The following GSE1 variants were observed in gnomAD, a reference collection of about 807,000 sequenced individuals.
GSE1 encodes genetic suppressor element 1.
In GSE1, 32 loss-of-function variants were observed where a neutral mutation model predicts 112.6. The ratio of observed to expected loss-of-function variants is 0.28; its 90% confidence interval spans 0.21 to 0.38. The LOEUF (loss-of-function observed/expected upper bound fraction) is 0.38. Among genes scored for constraint, GSE1 ranks in the 10% least tolerant of loss-of-function variants. The pLI, the probability that GSE1 is intolerant of heterozygous loss-of-function variation, is 1.00. For missense variants in GSE1, 2,348 were observed against 1,699.2 expected (o/e 1.38, Z -6.71); for synonymous variants, 1,115 against 735.6 (o/e 1.52, Z -8.35).
At chr16:85,205,052 T>C (rs1487201051) in intron 1 of GSE1, among the ~76,000 whole-genome samples, 1 of 110,112 alleles carries the variant, frequency 9.1e-6, no homozygotes, top group Non-Finnish European at 1.9e-5. Flanking sequence ...CACGTACGTC[T>C]TGGCTCACTG....
chr16:85,289,358 C>T (rs2045137100), intron 1 of GSE1, among the ~76,000 whole-genome samples: 1 of 152,176 alleles, frequency 6.6e-6, no homozygotes, highest in Non-Finnish European at 1.5e-5. Context: ...CTCACCTGTA[C>T]TGTGGCCACC....
chr16:85,470,004 C>G (rs780610279), intron 2 of GSE1, among the ~76,000 whole-genome samples: 3 of 152,240 alleles, frequency 2.0e-5, no homozygotes, highest in African/African-American at 7.2e-5. Context: ...CCCACTCACC[C>G]CAGGCCCTCA....
At chr16:85,493,667 C>G (rs1053735446) in intron 2 of GSE1, among the ~76,000 whole-genome samples, 2 of 151,870 alleles carry the variant, frequency 1.3e-5, no homozygotes, top group Non-Finnish European at 2.9e-5. Context: ...GCAGGAGAAT[C>G]GCTTGAACCC....
intron 2 of GSE1, among the ~76,000 whole-genome samples, chr16:85,413,459 C>G (rs1483547669): frequency 6.6e-6 from 1 of 151,930 alleles, no homozygotes; most frequent in African/African-American, 2.4e-5. Context: ...CCGTGGAGCA[C>G]CATCTTCCAT....
upstream of GSE1, among the ~76,000 whole-genome samples, chr16:85,608,912 A>G (rs2047837880): frequency 6.6e-6 from 1 of 152,204 alleles, no homozygotes; most frequent in African/African-American, 2.4e-5. Flanking sequence ...ACGTGCTAGG[A>G]GCAACTGGCC....
intron 1 of GSE1, among the ~76,000 whole-genome samples, chr16:85,571,537 C>T (rs113821104): frequency 6.6e-4 from 100 of 152,302 alleles, no homozygotes; most frequent in African/African-American, 1.2e-3. Flanking sequence ...CTGCAATCCT[C>T]GGAGCGATAC....
chr16:85,301,445 A>T (rs2045523219), intron 1 of GSE1, among the ~76,000 whole-genome samples: 2 of 152,176 alleles, frequency 1.3e-5, no homozygotes, highest in Admixed American at 1.3e-4. Flanking sequence ...CTGCCAGCAG[A>T]CACAGGCTCC....
At chr16:85,480,413 C>T (rs73263199) in intron 2 of GSE1, among the ~76,000 whole-genome samples, 10 of 152,176 alleles carry the variant, frequency 6.6e-5, no homozygotes, top group Non-Finnish European at 1.0e-4. Flanking sequence ...CCTCCACCCC[C>T]CTCTGCCTGC....
At position 85,549,096 on chromosome 16, in the gene GSE1, T is replaced by G. The variant is rs555453550; in HGVS notation, c.2465-84818T>G. Among the ~76,000 whole-genome samples the G allele has an allele frequency of 1.6e-3, 236 of 152,214 alleles. 4 individuals carry two copies. Among genetic ancestry groups the G allele is most frequent in the Admixed American group, 0.011 (174 of 15,288 alleles). On this transcript the variant is annotated intron_variant, in intron 2 of 2. Transcript: ENST00000637419. The stretch of plus-strand genomic sequence containing the variant: ...GCCACCGCGCCCGGCCTGGAGATTC[T>G]TAATTGCATCTTCACAGATTCTTTC...
At chr16:85,510,483 G>T (rs937452584) in intron 2 of GSE1, among the ~76,000 whole-genome samples, 2 of 152,032 alleles carry the variant, frequency 1.3e-5, no homozygotes, top group African/African-American at 4.8e-5. Context: ...CTTGGCGGGG[G>T]CACACCTGGC....
At chr16:85,305,072 G>C (rs1281612482) in intron 1 of GSE1, among the ~76,000 whole-genome samples, 1 of 152,154 alleles carries the variant, frequency 6.6e-6, no homozygotes, top group African/African-American at 2.4e-5. Flanking sequence ...TTCCCCTAGG[G>C]CACATGCCAT....
At position 85,436,305 on chromosome 16, in the gene GSE1, G is replaced by C. The variant is rs534049244; in HGVS notation, c.2464+78662G>C. 1.6e-3 allele frequency among the ~76,000 whole-genome samples: 244 copies of C among 152,324 alleles called. 3 individuals are homozygous for C. The highest frequency in any genetic ancestry group is 4.4e-4 in the Non-Finnish European group (30 of 68,028). On this transcript the variant is annotated intron_variant, in intron 2 of 2. Transcript: ENST00000637419. ...CAGCTTTTCTTATTCCAGTTCTGCAGGTAGGGAATTTGCCCAGAGAGCTCA... is the reference window on the plus strand; with the variant it reads ...CAGCTTTTCTTATTCCAGTTCTGCACGTAGGGAATTTGCCCAGAGAGCTCA...
intron 2 of GSE1, among the ~76,000 whole-genome samples, chr16:85,384,980 C>G (rs556087542): frequency 6.6e-6 from 1 of 152,388 alleles, no homozygotes; most frequent in South Asian, 2.1e-4. Flanking sequence ...CACACCTGCC[C>G]CGCCCGCCCT....
chr16:85,256,693 C>T (rs1455234189), intron 1 of GSE1, among the ~76,000 whole-genome samples: 1 of 152,370 alleles, frequency 6.6e-6, no homozygotes, highest in Non-Finnish European at 1.5e-5. Context: ...GTCCCCGTCA[C>T]GGGGTGCTGA....
intron 2 of GSE1, among the ~76,000 whole-genome samples, chr16:85,514,368 C>T (rs866006374): frequency 1.0e-5 from 1 of 95,528 alleles, no homozygotes; most frequent in African/African-American, 3.8e-5. Context: ...TGGGACACCA[C>T]CCCCCCATCC....
In GSE1 at chr16:85,565,409, A is replaced by AC. The variant is rs1218688366; in HGVS notation, c.37+9046_37+9047insC. 6.7e-3 allele frequency among the ~76,000 whole-genome samples: 1,009 copies of AC among 151,670 alleles called. 23 individuals are homozygous for AC. Among genetic ancestry groups the AC allele is most frequent in the African/African-American group, 0.023 (964 of 41,194 alleles). The stretch of plus-strand genomic sequence containing the variant: ...GACTCTGTCTCAAAAAAAAAAACAA[A>AC]AAAAAACAAAAAAACCACCAACCAA... On this transcript the variant is annotated intron_variant, in intron 1 of 2. Coordinates refer to the GSE1 transcript ENST00000635906.
At chr16:85,339,292 C>T (rs879545926) in intron 1 of GSE1, among the ~76,000 whole-genome samples, 45 of 152,292 alleles carry the variant, frequency 3.0e-4, no homozygotes, top group African/African-American at 1.0e-3. Flanking sequence ...TTCCAGCCGG[C>T]GACATCCTTT....
At chr16:85,429,868 G>A (rs1298961531) in intron 2 of GSE1, among the ~76,000 whole-genome samples, 1 of 152,222 alleles carries the variant, frequency 6.6e-6, no homozygotes, top group Non-Finnish European at 1.5e-5. Context: ...CTTACTCATG[G>A]ATGTGTGTGT....
intron 8 of GSE1, among the ~76,000 whole-genome samples, chr16:85,658,222 T>C (rs537450272): frequency 3.9e-5 from 6 of 152,268 alleles, no homozygotes; most frequent in Admixed American, 3.3e-4. Flanking sequence ...GCCTTGGGGC[T>C]GTGCTGGTCC....
Sources: gnomAD v4.1 joint callset for allele counts (sites outside exome capture counted in the v4.1 genomes callset) on GRCh38, gnomAD v4.1.1 for gene constraint, MANE v1.5 for transcripts, NCBI Gene and HGNC (gene_info 2026-07-23, HGNC 2026-07-21) for gene names.